Variants in IL17RD observed in about 807,000 individuals in gnomAD.
IL17RD encodes the protein interleukin 17 receptor D.
In IL17RD, 52 loss-of-function variants were observed where a neutral mutation model predicts 80.5. The observed-to-expected ratio is 0.65, with a 90% CI of 0.52 to 0.81. IL17RD has a LOEUF of 0.81. Ranked by LOEUF, IL17RD falls within the 40% of genes least tolerant of loss-of-function variation. The pLI is 0.00. For missense variants in IL17RD, 1,024 were observed against 955.1 expected, an observed-to-expected ratio of 1.07 and a Z score of -0.95; for synonymous variants, 416 against 391.8, an observed-to-expected ratio of 1.06 and a Z score of -0.73.
chr3:57,127,283 T>G (rs57690102), intron 1 of IL17RD, among the ~76,000 whole-genome samples: 2 of 64,726 alleles, frequency 3.1e-5, no homozygotes, highest in Non-Finnish European at 5.3e-5. Context: ...AAAATATATA[T>G]AAATATATAT....
At position 57,104,399 on chromosome 3, in the gene IL17RD, A is replaced by T; in HGVS notation, c.756T>A (p.Thr252=). Residue 252 remains threonine, a synonymous_variant, in exon 8 of 13, where the codon ACT becomes ACA. Coordinates refer to ENST00000296318, the MANE Select transcript of IL17RD (RefSeq NM_017563.5). Reference sequence around the variant, plus strand: ...GAAGGAGGCAGCTGGTCGTCTCTGTAGTTTGCTCCTGCAACAGACCAAAGA... The same window carrying T: ...GAAGGAGGCAGCTGGTCGTCTCTGTTGTTTGCTCCTGCAACAGACCAAAGA... ...FKRKTCKQEQ[T]TETTSCLLQN... is the part of the protein sequence containing the mutation. 6.2e-6 allele frequency: 10 copies of T among 1,606,646 alleles called. No individual in the cohort carries two copies. Among genetic ancestry groups the T allele is most frequent in the African/African-American group, 1.3e-5 (1 of 74,956 alleles).
chr3:57,169,173 T>C (rs2060359736), upstream of IL17RD: 8 of 497,420 alleles, frequency 1.6e-5, no homozygotes, highest in Admixed American at 1.7e-4. Flanking sequence ...AGCTCAGCTG[T>C]GGAGGTGACC....
chr3:57,101,465 C>T, intron 10 of IL17RD, 102 bp from the exon 11 acceptor site: 2 of 723,654 alleles, frequency 2.8e-6, no homozygotes, highest in South Asian at 2.0e-5. Context: ...AACACGTCTA[C>T]CTAGAGCAGT....
At chr3:57,107,054 A>G (rs1706979994) in intron 5 of IL17RD, among the ~76,000 whole-genome samples, 1 of 152,204 alleles carries the variant, frequency 6.6e-6, no homozygotes, top group Non-Finnish European at 1.5e-5. Flanking sequence ...TGTGACATAC[A>G]CATGGTCTTT....
chr3:57,106,080 G>A lies in IL17RD; in HGVS notation c.595+30C>T, dbSNP rs2035654. 1,361,002 of 1,610,678 alleles carry A rather than the reference G, an allele frequency of 0.84. 580,051 individuals carry two copies. The highest frequency in any genetic ancestry group is 0.92 in the South Asian group (84,032 of 90,922). On this transcript the variant is annotated intron_variant, in intron 6 of 12. Transcript: ENST00000296318. ...CACCATCATAGTGGCGATACTTTGA[G>A]ACTTGATAGATAAGAACACTATTAC...
chr3:57,159,277 C>G (rs1160894911), intron 1 of IL17RD, among the ~76,000 whole-genome samples: 1 of 152,216 alleles, frequency 6.6e-6, no homozygotes, highest in Admixed American at 6.5e-5. Context: ...TAGCTTTAAT[C>G]TGCAGTAAGA....
chr3:57,155,143 T>C (rs561758018), intron 1 of IL17RD, among the ~76,000 whole-genome samples: 52 of 152,144 alleles, frequency 3.4e-4, no homozygotes, highest in Non-Finnish European at 6.6e-4. Flanking sequence ...ATGAAATGCA[T>C]TCACCACCAG....
rs1383425083 is a variant in IL17RD at position 57,127,293 on chromosome 3, TAA to T, written c.127-6982_127-6981del. 6.7e-4 allele frequency among the ~76,000 whole-genome samples: 63 copies of T among 93,358 alleles called. 3 individuals carry two copies. Among genetic ancestry groups the T allele is most frequent in the African/African-American group, 3.6e-3 (59 of 16,350 alleles). The allele number at this position is 93,358 out of a possible 152,430, so 61.2% of individuals were successfully genotyped here. ...ATATAAAAATATATATAAATATATA[TAA>T]ATATATATAAAAATATATAAAAATA... On this transcript the variant is annotated intron_variant, in intron 1 of 12. Coordinates refer to ENST00000296318, the MANE Select transcript of IL17RD (RefSeq NM_017563.5).
At position 57,120,246 on chromosome 3, in the gene IL17RD, G is replaced by A. The variant is rs758323413; in HGVS notation, c.184+10C>T. On this transcript the variant is annotated intron_variant, in intron 2 of 12. Coordinates refer to ENST00000296318, the MANE Select transcript of IL17RD (RefSeq NM_017563.5). ...GGCTCCATTCTTCAGCAATAAAGGC[G>A]GTTACTTACTGTCATATTTGAAGGT... The A allele has an allele frequency of 1.4e-5, 23 of 1,602,404 alleles. No homozygotes were observed. Among genetic ancestry groups the A allele is most frequent in the African/African-American group, 1.1e-4 (8 of 74,702 alleles).
intron 2 of IL17RD, among the ~76,000 whole-genome samples, chr3:57,115,673 G>T (rs1254607730): frequency 1.3e-5 from 2 of 152,202 alleles, no homozygotes; most frequent in African/African-American, 4.8e-5. Context: ...CACTCTTGCA[G>T]GGAGAACCAT....
intron 1 of IL17RD, among the ~76,000 whole-genome samples, chr3:57,128,785 G>GAC (rs1162291332): frequency 6.6e-6 from 1 of 151,910 alleles, no homozygotes; most frequent in Non-Finnish European, 1.5e-5. Flanking sequence ...TATCAACACA[G>GAC]ACACACACAC....
At position 57,097,838 on chromosome 3, in the gene IL17RD, C is replaced by G. The variant is rs1455529268; in HGVS notation, c.1865G>C (p.Ser622Thr). 6.2e-7 allele frequency: 1 copy of G among 1,612,112 alleles called. No individual in the cohort carries two copies. The highest frequency in any genetic ancestry group is 2.2e-5 in the East Asian group (1 of 44,884). Reference protein sequence around the residue: ...ATGPADSQHESQHGGLDQDGE... With the variant: ...ATGPADSQHETQHGGLDQDGE... ...GTCTTGGTCCAGGCCCCCATGCTGA[C>G]TCTCGTGCTGGGAGTCGGCTGGTCC... The change falls in exon 12 of 13, where the codon AGT becomes ACT. Residue 622 changes from serine to threonine, a missense_variant. Coordinates refer to ENST00000296318, the MANE Select transcript of IL17RD (RefSeq NM_017563.5).
chr3:57,164,787 G>T (rs2060334391), intron 1 of IL17RD: 2 of 621,246 alleles, frequency 3.2e-6, no homozygotes, highest in African/African-American at 2.0e-5. Context: ...GGTCCGGGTG[G>T]CTCGGGGGAT....
At chr3:57,157,070 A>G (rs1379056929) in intron 1 of IL17RD, among the ~76,000 whole-genome samples, 2 of 152,104 alleles carry the variant, frequency 1.3e-5, no homozygotes. Flanking sequence ...AAAGCTAGAG[A>G]GTGGTATGGA....
At chr3:57,097,334 T>C in intron 12 of IL17RD, 1 of 467,724 alleles carries the variant, frequency 2.1e-6, no homozygotes, top group Non-Finnish European at 3.8e-6. Flanking sequence ...AGAAAAGTGA[T>C]ACAGTGCATA....
At chr3:57,161,987 A>T (rs1323994613) in intron 1 of IL17RD, among the ~76,000 whole-genome samples, 2 of 152,186 alleles carry the variant, frequency 1.3e-5, no homozygotes, top group Middle Eastern at 3.2e-3. Flanking sequence ...TTTCTAAAAC[A>T]CTGACCTGTG....
intron 1 of IL17RD, among the ~76,000 whole-genome samples, chr3:57,138,036 T>A (rs1707761158): frequency 6.6e-6 from 1 of 152,212 alleles, no homozygotes; most frequent in Non-Finnish European, 1.5e-5. Flanking sequence ...ACTACATTTA[T>A]ATGCGGTATT....
upstream of IL17RD, among the ~76,000 whole-genome samples, chr3:57,167,728 A>C (rs1339553860): frequency 6.6e-6 from 1 of 152,216 alleles, no homozygotes; most frequent in Non-Finnish European, 1.5e-5. Flanking sequence ...CACATTTAAA[A>C]TTGTCAAACT....
At chr3:57,106,559 A>T (rs1403852317) in intron 5 of IL17RD, among the ~76,000 whole-genome samples, 1 of 152,212 alleles carries the variant, frequency 6.6e-6, no homozygotes, top group Non-Finnish European at 1.5e-5. Context: ...ACACAAGAGA[A>T]CTTTGGAGTG....
Sources: gnomAD v4.1 joint callset for allele counts (sites outside exome capture counted in the v4.1 genomes callset) on GRCh38, gnomAD v4.1.1 for gene constraint, MANE v1.5 for transcripts, NCBI Gene and HGNC (gene_info 2026-07-23, HGNC 2026-07-21) for gene names.